Variants in PSD3 observed in about 807,000 individuals in gnomAD.
PSD3 encodes pleckstrin and Sec7 domain containing 3.
PSD3 carries 49 observed loss-of-function variants against 105.5 expected under a neutral mutation model. That is an observed-to-expected ratio of 0.46 (90% confidence interval 0.37 to 0.59). The LOEUF (loss-of-function observed/expected upper bound fraction) is 0.59. Ranked by LOEUF, PSD3 falls within the 20% of genes least tolerant of loss-of-function variation. The pLI, the probability that PSD3 is intolerant of heterozygous loss-of-function variation, is 0.00. For missense variants in PSD3, 1,561 were observed against 1,263.8 expected (o/e 1.24, Z -3.57); for synonymous variants, 557 against 457.8 (o/e 1.22, Z -2.77).
chr8:19,084,065 G>A (rs9657494), intron 1 of PSD3: 134,073 of 341,818 alleles, frequency 0.39, 30,170 homozygotes, highest in Non-Finnish European at 0.49. Flanking sequence ...GGAAGGCTGC[G>A]GCTCGTGGGT....
chr8:19,021,138 C>T (rs1006696524), intron 1 of PSD3, among the ~76,000 whole-genome samples: 2 of 152,176 alleles, frequency 1.3e-5, no homozygotes, highest in African/African-American at 4.8e-5. Context: ...TGAGTAAGAA[C>T]ATGCAGAGGA....
intron 11 of PSD3, among the ~76,000 whole-genome samples, chr8:18,613,140 A>T (rs923417219): frequency 1.3e-5 from 2 of 152,120 alleles, no homozygotes; most frequent in Non-Finnish European, 2.9e-5. Context: ...CCAGTGATAG[A>T]GACAGGAGGC....
At chr8:18,871,172 G>A (rs532675181) in intron 3 of PSD3, among the ~76,000 whole-genome samples, 150 of 152,196 alleles carry the variant, frequency 9.9e-4, no homozygotes, top group African/African-American at 3.3e-3. Context: ...CATGTATGTC[G>A]GCTGGACTGA....
chr8:18,856,043 C>T (rs1423840816), intron 4 of PSD3, among the ~76,000 whole-genome samples: 7 of 152,138 alleles, frequency 4.6e-5, no homozygotes, highest in Non-Finnish European at 1.0e-4. Context: ...CCTTCACTCT[C>T]AAGTCCCCAA....
At chr8:19,013,719 G>T, upstream of PSD3, 1 of 714,778 alleles carries the variant, frequency 1.4e-6, no homozygotes, top group Non-Finnish European at 1.8e-6. Flanking sequence ...GCGGCGGCCC[G>T]CGCGCACCCT....
chr8:18,741,266 G>T (rs1387817846), intron 9 of PSD3, among the ~76,000 whole-genome samples: 1 of 152,120 alleles, frequency 6.6e-6, no homozygotes, highest in Non-Finnish European at 1.5e-5. Context: ...AAGATGCGAT[G>T]TCATCTCCAT....
intron 8 of PSD3, among the ~76,000 whole-genome samples, chr8:18,790,678 CAGAA>C (rs113268137): frequency 1.3e-5 from 2 of 151,848 alleles, no homozygotes; most frequent in African/African-American, 4.8e-5. Flanking sequence ...ATTGTGGAGA[CAGAA>C]AGAGTATTGG....
At chr8:19,004,392 T>G (rs1465509583) in intron 1 of PSD3, among the ~76,000 whole-genome samples, 1 of 152,080 alleles carries the variant, frequency 6.6e-6, no homozygotes, top group Non-Finnish European at 1.5e-5. Flanking sequence ...TAACTCACTT[T>G]GGAAAATACG....
chr8:18,689,688 G>A (rs1283530415), intron 9 of PSD3, among the ~76,000 whole-genome samples: 1 of 152,240 alleles, frequency 6.6e-6, no homozygotes, highest in Non-Finnish European at 1.5e-5. Flanking sequence ...TAAAGTGACA[G>A]AGGCTGATTT....
At chr8:18,565,511 A>G (rs989100120) in intron 14 of PSD3, among the ~76,000 whole-genome samples, 3 of 152,230 alleles carry the variant, frequency 2.0e-5, no homozygotes, top group African/African-American at 7.2e-5. Flanking sequence ...AAAAGACAAG[A>G]ATAAATTAAA....
At chr8:18,714,216 T>A (rs185510798) in intron 9 of PSD3, among the ~76,000 whole-genome samples, 2 of 152,072 alleles carry the variant, frequency 1.3e-5, no homozygotes, top group Non-Finnish European at 2.9e-5. Flanking sequence ...GACATACGCA[T>A]GGGCAAAGAT....
chr8:18,933,939 C>G (rs1226597286), intron 2 of PSD3, among the ~76,000 whole-genome samples: 1 of 152,144 alleles, frequency 6.6e-6, no homozygotes, highest in Non-Finnish European at 1.5e-5. Context: ...AAGAGATATA[C>G]TACGAAACAC....
intron 1 of PSD3, among the ~76,000 whole-genome samples, chr8:19,056,199 A>G (rs993135032): frequency 3.3e-5 from 5 of 152,226 alleles, no homozygotes; most frequent in Admixed American, 3.3e-4. Flanking sequence ...TATTATTTCA[A>G]TGTAGAATCT....
intron 1 of PSD3, among the ~76,000 whole-genome samples, chr8:19,074,698 G>A (rs1829404067): frequency 2.3e-5 from 3 of 132,586 alleles, no homozygotes; most frequent in Admixed American, 8.4e-5. Flanking sequence ...GCAGCTCACC[G>A]CAAGCTCCGC....
At chr8:18,919,211 T>TAC (rs1462713349) in intron 2 of PSD3, among the ~76,000 whole-genome samples, 21 of 152,182 alleles carry the variant, frequency 1.4e-4, no homozygotes, top group Non-Finnish European at 2.4e-4. Context: ...GTGTTTGTTC[T>TAC]ACCCTTTCAA....
At chr8:18,987,737 TG>T (rs1825581772) in intron 1 of PSD3, among the ~76,000 whole-genome samples, 1 of 152,036 alleles carries the variant, frequency 6.6e-6, no homozygotes, top group African/African-American at 2.4e-5. Context: ...GAGAATCACC[TG>T]AGCCCAAGAG....
In PSD3 at chr8:18,838,848, A is replaced by AATG. The variant is rs1554518295; in HGVS notation, c.1634+28823_1634+28825dup. Among the ~76,000 whole-genome samples, 641 of 142,122 alleles carry AATG rather than the reference A, an allele frequency of 4.5e-3. 9 individuals carry two copies. Among genetic ancestry groups the AATG allele is most frequent in the African/African-American group, 0.015 (563 of 38,372 alleles). 93.2% of individuals were successfully genotyped at this position (142,122 alleles called of 152,430 possible). ...TAATAATAATAATAATAATAATAAT[A>AATG]ATGTTCAAGAAAAAAGTAAGACTTC... On this transcript the variant is annotated intron_variant, in intron 4 of 15. Coordinates refer to ENST00000327040, the MANE Select transcript of PSD3 (RefSeq NM_015310.4).
Position 18,893,455 on chromosome 8 carries a change from T to C in PSD3, c.131-20722A>G, listed in dbSNP as rs545408647. On this transcript the variant is annotated intron_variant, in intron 2 of 15. Transcript: ENST00000327040. ...GAGTTGATTTCCAGCTAGCCTTTGG[T>C]TAAATTAGGTTTGTAACTCTAAGCC... Among the ~76,000 whole-genome samples the C allele has an allele frequency of 6.8e-4, 103 of 152,334 alleles. 1 individual carries two copies. The highest frequency in any genetic ancestry group is 5.0e-3 in the South Asian group (24 of 4,828).
intron 8 of PSD3, among the ~76,000 whole-genome samples, chr8:18,798,131 C>G (rs1344994909): frequency 2.6e-5 from 4 of 152,136 alleles, no homozygotes; most frequent in Admixed American, 2.6e-4. Flanking sequence ...TGTCAAGATT[C>G]ACACTGTGAA....
Sources: gnomAD v4.1 joint callset for allele counts (sites outside exome capture counted in the v4.1 genomes callset) on GRCh38, gnomAD v4.1.1 for gene constraint, MANE v1.5 for transcripts, NCBI Gene and HGNC (gene_info 2026-07-23, HGNC 2026-07-21) for gene names.